The following APOH variants were observed in gnomAD, a reference collection of about 807,000 sequenced individuals.
APOH encodes beta-2-glycoprotein 1.
APOH carries 48 observed loss-of-function variants against 39.8 expected under a neutral mutation model. That is an observed-to-expected ratio of 1.21 (90% CI 0.96 to 1.54). The LOEUF is 1.54. APOH is among the 40% of genes most tolerant of loss of function. The probability of loss-of-function intolerance (pLI) is 0.00; values close to 1 mark genes in which losing one functional copy is unlikely to be tolerated. For synonymous variants in APOH, 153 were observed against 151.1 expected (o/e 1.01, Z -0.09); for missense variants, 415 against 421.2 (o/e 0.99, Z 0.13).
At chr17:66,225,093 C>T (rs1794535473) in intron 3 of APOH, among the ~76,000 whole-genome samples, 1 of 151,582 alleles carries the variant, frequency 6.6e-6, no homozygotes, top group Non-Finnish European at 1.5e-5. Context: ...AAAAATGTAA[C>T]ATTATGTCTT....
chr17:66,225,648 A>T (rs2073434750), intron 3 of APOH, among the ~76,000 whole-genome samples: 1 of 152,168 alleles, frequency 6.6e-6, no homozygotes, highest in Admixed American at 6.6e-5. Flanking sequence ...TATATTCTCC[A>T]ATCCTTACCC....
intron 7 of APOH, among the ~76,000 whole-genome samples, chr17:66,213,389 C>T (rs919542805): frequency 3.3e-4 from 50 of 152,182 alleles, no homozygotes; most frequent in Admixed American, 5.9e-4. Context: ...ATACTTTGCT[C>T]TAATGGATAC....
rs1803124 is a variant in APOH at position 66,228,032 on chromosome 17, G to C, written c.229C>G (p.Leu77Val). ...GGTACTGACTTACGTGTACATTTCA[G>C]AGTGTTGATGGGCCACAGTCCTGTG... is the stretch of plus-strand genomic sequence containing the variant. Reference protein sequence around the residue: ...PLTGLWPINTLKCTPRVCPFA... With the variant: ...PLTGLWPINTVKCTPRVCPFA... Residue 77 changes from leucine (L) to valine (V), a missense_variant, in exon 2 of 8, where the codon CTG (leucine) becomes GTG (valine). By Grantham distance (32) the Leu-to-Val change is conservative. Coordinates refer to ENST00000205948, the MANE Select transcript of APOH (RefSeq NM_000042.3). 3.7e-6 allele frequency: 6 copies of C among 1,613,650 alleles called. No homozygotes were observed.
chr17:66,228,072 C>T lies in APOH; in HGVS notation c.189G>A (p.Lys63=). Residue 63 remains lysine, a synonymous_variant, in exon 2 of 8, where the codon AAG becomes AAA. Transcript: ENST00000205948. The part of the protein sequence containing the change: ...PGYVSRGGMR[K]FICPLTGLWP... ...ACAGTCCTGTGAGAGGGCAGATAAA[C>T]TTTCTCATCCCTCCTCGGGACACAT... 1 of 1,614,204 alleles carries T rather than the reference C, an allele frequency of 6.2e-7. No homozygotes were observed. The highest frequency in any genetic ancestry group is 1.1e-5 in the South Asian group (1 of 91,086).
Position 66,228,065 on chromosome 17 carries a change from A to C in APOH, c.196T>G (p.Cys66Gly). The C allele has an allele frequency of 6.2e-7, 1 of 1,614,226 alleles. No homozygotes were observed. ...VSRGGMRKFI[C>G]PLTGLWPINT... is the part of the protein sequence containing the mutation. ...ATGGGCCACAGTCCTGTGAGAGGGC[A>C]GATAAACTTTCTCATCCCTCCTCGG... The change falls in exon 2 of 8, where the codon TGC (cysteine) becomes GGC (glycine). Residue 66 changes from cysteine to glycine, a missense_variant. Physicochemically the swap from Cys to Gly is radical, Grantham distance 159. Coordinates refer to ENST00000205948, the MANE Select transcript of APOH (RefSeq NM_000042.3).
chr17:66,229,207 G>A, intron 1 of APOH, 109 bp downstream of exon 1: 1 of 846,960 alleles, frequency 1.2e-6, no homozygotes, highest in Non-Finnish European at 1.8e-6. Flanking sequence ...AAAGTGCTGA[G>A]ATTACAGATG....
At chr17:66,219,976 C>T (rs2073387605) in intron 5 of APOH, among the ~76,000 whole-genome samples, 1 of 152,140 alleles carries the variant, frequency 6.6e-6, no homozygotes, top group African/African-American at 2.4e-5. Flanking sequence ...TGTTATGCAG[C>T]TGACAAACTT....
At chr17:66,219,783 G>A (rs1363770529) in intron 5 of APOH, among the ~76,000 whole-genome samples, 1 of 152,076 alleles carries the variant, frequency 6.6e-6, no homozygotes, top group Non-Finnish European at 1.5e-5. Context: ...GCCAAGTATG[G>A]TGACGGGCAC....
At chr17:66,219,562 T>C (rs1350733125) in intron 5 of APOH, among the ~76,000 whole-genome samples, 1 of 152,188 alleles carries the variant, frequency 6.6e-6, no homozygotes, top group African/African-American at 2.4e-5. Flanking sequence ...TGAAAATCAC[T>C]TATGTTTTGA....
intron 7 of APOH, 57 bp from the exon 8 acceptor site, chr17:66,212,245 G>T: frequency 6.8e-7 from 1 of 1,470,918 alleles, no homozygotes; most frequent in Non-Finnish European, 9.5e-7. Context: ...CTTAAATGTG[G>T]TAAATAGCTA....
intron 7 of APOH, among the ~76,000 whole-genome samples, chr17:66,213,307 G>A (rs541859439): frequency 4.6e-5 from 7 of 152,318 alleles, no homozygotes; most frequent in Middle Eastern, 3.4e-3. Flanking sequence ...AGCTCTAAAC[G>A]CTGGCCATTA....
chr17:66,228,312 C>T, intron 1 of APOH, 116 bp from the exon 2 acceptor site: 2 of 1,060,564 alleles, frequency 1.9e-6, no homozygotes, highest in Non-Finnish European at 2.7e-6. Flanking sequence ...TACCAAGTTG[C>T]ATGCCAAATA....
intron 5 of APOH, among the ~76,000 whole-genome samples, chr17:66,219,494 C>T (rs1176161788): frequency 6.6e-6 from 1 of 152,156 alleles, no homozygotes; most frequent in Non-Finnish European, 1.5e-5. Context: ...GTGCCTGGCC[C>T]ATAGTTGAGT....
chr17:66,223,509 G>A (rs993732862), intron 4 of APOH, among the ~76,000 whole-genome samples, 189 bp downstream of exon 4: 5 of 152,210 alleles, frequency 3.3e-5, no homozygotes, highest in African/African-American at 1.2e-4. Context: ...TGAGTAAAAT[G>A]CTTCCCTTCT....
intron 4 of APOH, 37 bp downstream of exon 4, chr17:66,223,661 T>C (rs1465958462): frequency 1.2e-6 from 2 of 1,600,190 alleles, no homozygotes; most frequent in Non-Finnish European, 1.7e-6. Context: ...AGAAAGGTTC[T>C]GGGCAAACCA....
At chr17:66,229,242 A>G in intron 1 of APOH, 74 bp downstream of exon 1, 1 of 1,262,350 alleles carries the variant, frequency 7.9e-7, no homozygotes, top group East Asian at 2.6e-5. Context: ...CGGCCTACTT[A>G]TCATTATTGA....
chr17:66,221,420 G>GAAGGAAGGAAGGAAGGA (rs1000424502), intron 4 of APOH, among the ~76,000 whole-genome samples: 10 of 150,486 alleles, frequency 6.6e-5, no homozygotes, highest in African/African-American at 2.4e-4. Context: ...AGGAAGGAAG[G>GAAGGAAGGAAGGAAGGA]AAGGAAGGAA....
intron 1 of APOH, among the ~76,000 whole-genome samples, chr17:66,228,909 T>G (rs2073456245): frequency 6.6e-6 from 1 of 151,896 alleles, no homozygotes; most frequent in Non-Finnish European, 1.5e-5. Flanking sequence ...CTCGGCTCAC[T>G]GCAACCTCTG....
At chr17:66,224,357 G>T (rs1183961851) in intron 3 of APOH, among the ~76,000 whole-genome samples, 1 of 150,506 alleles carries the variant, frequency 6.6e-6, no homozygotes, top group African/African-American at 2.4e-5. Context: ...CAAGCTACTC[G>T]AGAGGTAGAG....
Sources: allele counts gnomAD v4.1 joint callset (sites outside exome capture counted in the v4.1 genomes callset), GRCh38; gene constraint gnomAD v4.1.1; transcripts MANE v1.5; gene names NCBI Gene and HGNC (gene_info 2026-07-23, HGNC 2026-07-21).